Variants in B3GLCT observed in about 807,000 individuals in gnomAD.
B3GLCT encodes the protein beta-1,3-glucosyltransferase.
In B3GLCT, 65 loss-of-function variants were observed where a neutral mutation model predicts 63.4. The observed-to-expected ratio is 1.03, with a 90% CI of 0.84 to 1.26. B3GLCT has a LOEUF of 1.26. Among genes scored for constraint, B3GLCT ranks in the 50% most tolerant of loss-of-function variants. The pLI is 0.00. For missense variants in B3GLCT, 577 were observed against 604.8 expected, an observed-to-expected ratio of 0.95 and a Z score of 0.48; for synonymous variants, 233 against 219.2, an observed-to-expected ratio of 1.06 and a Z score of -0.55.
chr13:31,259,208 C>A (rs1279887317), intron 6 of B3GLCT, among the ~76,000 whole-genome samples: 1 of 152,158 alleles, frequency 6.6e-6, no homozygotes, highest in African/African-American at 2.4e-5. Flanking sequence ...TTGATAACTG[C>A]AAAATCTGTT....
At chr13:31,253,546 A>G (rs1486163714) in intron 6 of B3GLCT, among the ~76,000 whole-genome samples, 1 of 128,684 alleles carries the variant, frequency 7.8e-6, no homozygotes, top group African/African-American at 2.9e-5. Context: ...CAGTTGTCTG[A>G]GATTGTGCCA....
intron 14 of B3GLCT, among the ~76,000 whole-genome samples, chr13:31,325,252 T>A (rs1875549021): frequency 1.3e-5 from 2 of 152,192 alleles, no homozygotes. Context: ...TACTTACTTG[T>A]CCTTTAGGAC....
At chr13:31,295,801 AC>A (rs1873907699) in intron 12 of B3GLCT, among the ~76,000 whole-genome samples, 1 of 151,552 alleles carries the variant, frequency 6.6e-6, no homozygotes, top group South Asian at 2.1e-4. Flanking sequence ...CCTTGCTTTA[AC>A]CCCCTTTCCA....
chr13:31,315,220 G>A (rs1874935262), intron 12 of B3GLCT, among the ~76,000 whole-genome samples: 1 of 152,240 alleles, frequency 6.6e-6, no homozygotes, highest in African/African-American at 2.4e-5. Context: ...GTAACAGGCA[G>A]AGGTTGGAAC....
chr13:31,221,354 G>A (rs1200521525), intron 2 of B3GLCT, among the ~76,000 whole-genome samples: 1 of 152,238 alleles, frequency 6.6e-6, no homozygotes, highest in African/African-American at 2.4e-5. Context: ...CTGAGGGCAG[G>A]TTGTCTTCCT....
At chr13:31,227,716 C>A (rs1056631862) in intron 3 of B3GLCT, among the ~76,000 whole-genome samples, 9 of 152,026 alleles carry the variant, frequency 5.9e-5, no homozygotes, top group Non-Finnish European at 1.5e-5. Flanking sequence ...AATATTTGAG[C>A]AAGTGAATAA....
At chr13:31,249,647 A>G (rs1436227683) in intron 6 of B3GLCT, among the ~76,000 whole-genome samples, 1 of 152,228 alleles carries the variant, frequency 6.6e-6, no homozygotes, top group Non-Finnish European at 1.5e-5. Context: ...GTTCAAAGCA[A>G]GTTCATGAAA....
intron 7 of B3GLCT, among the ~76,000 whole-genome samples, chr13:31,264,566 C>T (rs1308902446): frequency 1.3e-5 from 2 of 152,148 alleles, no homozygotes; most frequent in Non-Finnish European, 1.5e-5. Context: ...TCCTTTCCCC[C>T]GATGCCAACA....
At position 31,271,191 on chromosome 13, in the gene B3GLCT, A is replaced by G. The variant is rs187820750; in HGVS notation, c.660+1914A>G. Among the ~76,000 whole-genome samples the G allele has an allele frequency of 2.4e-4, 36 of 152,344 alleles. 1 individual carries two copies. In the East Asian group the frequency reaches 6.8e-3, roughly 29 times the overall value. On this transcript the variant is annotated intron_variant, in intron 8 of 14. Coordinates refer to ENST00000343307, the MANE Select transcript of B3GLCT (RefSeq NM_194318.4). ...AATAAACACTTGTGGGGTTGATCAG[A>G]GATTCTCTGGGGGCCCTTCCCTATC...
chr13:31,221,408 C>G (rs1040721822), intron 2 of B3GLCT, among the ~76,000 whole-genome samples: 11 of 152,186 alleles, frequency 7.2e-5, no homozygotes, highest in Non-Finnish European at 1.5e-4. Context: ...TGCTGACTTA[C>G]GGTGATAACC....
At position 31,247,108 on chromosome 13, in the gene B3GLCT, G is replaced by T. The variant is rs1362433157; in HGVS notation, c.347+9G>T. The T allele has an allele frequency of 1.9e-6, 3 of 1,605,458 alleles. No homozygotes were observed. In the South Asian group the frequency reaches 3.3e-5, roughly 18 times the overall value. On this transcript the variant is annotated intron_variant, in intron 5 of 14. Coordinates refer to ENST00000343307, the MANE Select transcript of B3GLCT (RefSeq NM_194318.4). ...CTTCCGTTGTTACCGCAGTACGTTT[G>T]TTTAACTCACCTGTGAATTACTGAC...
At chr13:31,296,984 C>G (rs1430739565) in intron 12 of B3GLCT, among the ~76,000 whole-genome samples, 1 of 151,874 alleles carries the variant, frequency 6.6e-6, no homozygotes, top group Non-Finnish European at 1.5e-5. Context: ...ATGATTTTGA[C>G]TACTCTCAGT....
chr13:31,314,787 A>G (rs1202367943), intron 12 of B3GLCT, among the ~76,000 whole-genome samples: 1 of 152,164 alleles, frequency 6.6e-6, no homozygotes, highest in African/African-American at 2.4e-5. Context: ...GTGGAATGAT[A>G]TGGTTTGGCT....
At chr13:31,295,322 C>G (rs970556756) in intron 12 of B3GLCT, among the ~76,000 whole-genome samples, 12 of 152,178 alleles carry the variant, frequency 7.9e-5, no homozygotes, top group African/African-American at 2.9e-4. Flanking sequence ...GGAGTCTGTC[C>G]CTTAGCAGAG....
At chr13:31,273,674 C>G (rs914735911) in intron 8 of B3GLCT, among the ~76,000 whole-genome samples, 1 of 151,860 alleles carries the variant, frequency 6.6e-6, no homozygotes, top group Non-Finnish European at 1.5e-5. Flanking sequence ...TCCTCTGAGC[C>G]GTATATTAAA....
intron 6 of B3GLCT, among the ~76,000 whole-genome samples, chr13:31,248,835 T>A (rs1871307743): frequency 6.6e-6 from 1 of 152,218 alleles, no homozygotes; most frequent in Admixed American, 6.5e-5. Flanking sequence ...TGCGAATGAC[T>A]TTATAACCCT....
At chr13:31,280,216 C>T (rs1872999761) in intron 10 of B3GLCT, among the ~76,000 whole-genome samples, 2 of 152,152 alleles carry the variant, frequency 1.3e-5, no homozygotes, top group Non-Finnish European at 2.9e-5. Flanking sequence ...GATAAGTGTC[C>T]ATGAAATCTT....
At chr13:31,282,510 C>T (rs1349819953) in intron 10 of B3GLCT, among the ~76,000 whole-genome samples, 2 of 151,914 alleles carry the variant, frequency 1.3e-5, no homozygotes, top group Non-Finnish European at 1.5e-5. Flanking sequence ...GGCGTGGTGG[C>T]GGGCGCCTGT....
chr13:31,214,959 CT>C (rs1347428856), intron 1 of B3GLCT, 91 bp from the exon 2 acceptor site: 10 of 1,262,120 alleles, frequency 7.9e-6, no homozygotes, highest in African/African-American at 1.5e-5. Context: ...GTTAAAGTAT[CT>C]TTTTTTATTA....
Sources: gnomAD v4.1 joint callset for allele counts (sites outside exome capture counted in the v4.1 genomes callset) on GRCh38, gnomAD v4.1.1 for gene constraint, MANE v1.5 for transcripts, NCBI Gene and HGNC (gene_info 2026-07-23, HGNC 2026-07-21) for gene names.